EYA4: variants seen among roughly 807,000 people sequenced by gnomAD.
EYA4 encodes the protein protein phosphatase EYA4.
Under a neutral mutation model 87.9 loss-of-function variants are expected in EYA4, and 31 were observed. The ratio of observed to expected loss-of-function variants is 0.35; its 90% CI spans 0.27 to 0.48. The LOEUF is 0.48. EYA4 is among the 20% of genes least tolerant of loss of function. EYA4 has a pLI of 0.99. For synonymous variants in EYA4, 263 were observed against 270.6 expected (o/e 0.97, Z 0.28); for missense variants, 678 against 761.4 (o/e 0.89, Z 1.29).
At chr6:133,330,928 T>C (rs1320461519) in intron 2 of EYA4, among the ~76,000 whole-genome samples, 2 of 152,032 alleles carry the variant, frequency 1.3e-5, no homozygotes, top group Non-Finnish European at 2.9e-5. Context: ...TGGCAATTTT[T>C]TTTTAAAAGT....
rs1777019961 is a variant in EYA4, at chr6:133,274,703, C to T, written c.-65-13C>T. The T allele has an allele frequency of 1.7e-6, 2 of 1,211,530 alleles. No homozygotes were observed. Among genetic ancestry groups the T allele is most frequent in the Non-Finnish European group, 2.5e-6 (2 of 814,776 alleles). The allele number at this position is 1,211,530 out of a possible 1,614,324, so 75.0% of individuals were successfully genotyped here. On this transcript the variant is annotated splice_polypyrimidine_tract_variant and intron_variant, in intron 1 of 19. Coordinates refer to ENST00000355286, the MANE Select transcript of EYA4 (RefSeq NM_004100.5). ...TAACATTTTTCCCCTTTGTTTCCAT[C>T]TTCTTGTTTTAGATAGTCATTTTTA... is the stretch of plus-strand genomic sequence containing the variant.
intron 3 of EYA4, 142 bp from the exon 4 acceptor site, chr6:133,446,488 A>T (rs1792857566): frequency 1.2e-6 from 1 of 863,952 alleles, no homozygotes; most frequent in Non-Finnish European, 1.9e-6. Context: ...ATGAACTGGC[A>T]TGTTCATCTG....
intron 1 of EYA4, among the ~76,000 whole-genome samples, chr6:133,261,587 G>A (rs899403828): frequency 6.6e-6 from 1 of 152,164 alleles, no homozygotes; most frequent in Non-Finnish European, 1.5e-5. Context: ...GCTTACCTGA[G>A]TTCAGAGAAT....
intron 10 of EYA4, among the ~76,000 whole-genome samples, chr6:133,466,246 G>A (rs1794828063): frequency 6.6e-6 from 1 of 152,040 alleles, no homozygotes; most frequent in South Asian, 2.1e-4. Context: ...CTATTTGGGA[G>A]GATTAAGAAA....
At position 133,264,143 on chromosome 6, in the gene EYA4, G is replaced by A. The variant is rs189097631; in HGVS notation, c.-65-10573G>A. On this transcript the variant is annotated intron_variant, in intron 1 of 19. Coordinates refer to ENST00000355286, the MANE Select transcript of EYA4 (RefSeq NM_004100.5). Reference sequence around the variant, plus strand: ...GACAGTGTGAGGCTGCTGACAGGGCGAGAGAATGGCGAGAACAATGGAACA... The same window carrying A: ...GACAGTGTGAGGCTGCTGACAGGGCAAGAGAATGGCGAGAACAATGGAACA... 3.9e-5 allele frequency among the ~76,000 whole-genome samples: 6 copies of A among 152,302 alleles called. No individual in the cohort carries two copies. In the East Asian group the frequency reaches 1.2e-3, roughly 29 times the overall value.
At chr6:133,489,045 A>C (rs148371802) in intron 13 of EYA4, among the ~76,000 whole-genome samples, 99 of 152,232 alleles carry the variant, frequency 6.5e-4, no homozygotes, top group African/African-American at 2.3e-3. Context: ...CTATAAAATA[A>C]ATTTAACAAA....
intron 2 of EYA4, among the ~76,000 whole-genome samples, chr6:133,354,736 A>G (rs1478264258): frequency 6.6e-6 from 1 of 152,238 alleles, no homozygotes; most frequent in Non-Finnish European, 1.5e-5. Context: ...TTATAGAGAA[A>G]GAAAGGAAGA....
chr6:133,324,856 A>G (rs1199724604), intron 2 of EYA4, among the ~76,000 whole-genome samples: 1 of 151,548 alleles, frequency 6.6e-6, no homozygotes, highest in Non-Finnish European at 1.5e-5. Flanking sequence ...TTTTCTTTCA[A>G]GTTTTGTTAG....
chr6:133,311,752 G>A (rs978511646), intron 2 of EYA4, among the ~76,000 whole-genome samples: 1 of 152,146 alleles, frequency 6.6e-6, no homozygotes, highest in Non-Finnish European at 1.5e-5. Flanking sequence ...TGGATTGTAA[G>A]CTCCACGAGG....
chr6:133,413,307 C>A (rs565030074), intron 3 of EYA4, among the ~76,000 whole-genome samples: 2 of 152,116 alleles, frequency 1.3e-5, no homozygotes, highest in Non-Finnish European at 2.9e-5. Context: ...TCCCACTTCA[C>A]GGATAAATTA....
intron 2 of EYA4, among the ~76,000 whole-genome samples, chr6:133,275,752 G>A (rs993444551): frequency 6.6e-6 from 1 of 152,026 alleles, no homozygotes. Context: ...CTTTCTAGTG[G>A]ATATTTTATT....
chr6:133,477,121 C>A (rs1379745250), intron 11 of EYA4, among the ~76,000 whole-genome samples: 2 of 152,090 alleles, frequency 1.3e-5, no homozygotes, highest in African/African-American at 4.8e-5. Context: ...CTTCCTCAGC[C>A]ATGCTCAACT....
intron 2 of EYA4, among the ~76,000 whole-genome samples, chr6:133,332,068 C>T (rs1198914202): frequency 2.0e-5 from 3 of 152,124 alleles, no homozygotes; most frequent in Non-Finnish European, 4.4e-5. Context: ...AACAGTTTCC[C>T]GGAAGTACTA....
At chr6:133,379,638 A>G (rs972661738) in intron 2 of EYA4, among the ~76,000 whole-genome samples, 1 of 152,114 alleles carries the variant, frequency 6.6e-6, no homozygotes, top group African/African-American at 2.4e-5. Flanking sequence ...GTTTGTCAAA[A>G]ACACCCTCTC....
chr6:133,498,400 G>A (rs1166765133), intron 13 of EYA4, among the ~76,000 whole-genome samples: 1 of 152,076 alleles, frequency 6.6e-6, no homozygotes, highest in Admixed American at 6.6e-5. Context: ...TTGATTCTGA[G>A]GGTTAAATGA....
chr6:133,389,446 T>G (rs1371626883), intron 3 of EYA4, among the ~76,000 whole-genome samples: 2 of 152,242 alleles, frequency 1.3e-5, no homozygotes, highest in African/African-American at 4.8e-5. Context: ...AGTTCATATC[T>G]GCCTTTGTTC....
rs866460222 is a variant in EYA4 at position 133,337,742 on chromosome 6, A to G, written c.34-44650A>G. The stretch of plus-strand genomic sequence containing the variant: ...CTTTTTAATTGCAACGTTGTAAAAA[A>G]CACTTTTCTATGCTGTTTATTCTCT... On this transcript the variant is annotated intron_variant, in intron 2 of 19. Coordinates refer to ENST00000355286, the MANE Select transcript of EYA4 (RefSeq NM_004100.5). 5.1e-4 allele frequency among the ~76,000 whole-genome samples: 78 copies of G among 152,296 alleles called. 1 individual carries two copies. Among genetic ancestry groups the G allele is most frequent in the Middle Eastern group, 6.8e-3 (2 of 294 alleles).
chr6:133,291,251 G>A (rs1438927857), intron 2 of EYA4, among the ~76,000 whole-genome samples: 1 of 152,104 alleles, frequency 6.6e-6, no homozygotes, highest in Admixed American at 6.5e-5. Flanking sequence ...GTTGTATTCA[G>A]GAAGTTAAAA....
chr6:133,300,083 G>T (rs1328584591), intron 2 of EYA4, among the ~76,000 whole-genome samples: 3 of 152,012 alleles, frequency 2.0e-5, no homozygotes, highest in Non-Finnish European at 4.4e-5. Flanking sequence ...ATTATGTACT[G>T]TATGTAAGCT....
Sources: allele counts gnomAD v4.1 joint callset (sites outside exome capture counted in the v4.1 genomes callset), GRCh38; gene constraint gnomAD v4.1.1; transcripts MANE v1.5; gene names NCBI Gene and HGNC (gene_info 2026-07-23, HGNC 2026-07-21).